SELENON: variants seen among roughly 807,000 people sequenced by gnomAD.
SELENON encodes the protein selenoprotein N, 1.
Under a neutral mutation model 59.5 loss-of-function variants are expected in SELENON, and 44 were observed. That is an observed-to-expected ratio of 0.74 (90% CI 0.58 to 0.95). The LOEUF (loss-of-function observed/expected upper bound fraction) is 0.95, where lower values mean the gene tolerates loss of function less well. SELENON is among the 40% of genes least tolerant of loss of function. SELENON has a pLI of 0.00. For missense variants in SELENON, 674 were observed against 721.4 expected (o/e 0.93, Z 0.75); for synonymous variants, 320 against 305.6 (o/e 1.05, Z -0.49).
chr1:25,808,301 TGGGTGG>T (rs1453376695), intron 4 of SELENON, among the ~76,000 whole-genome samples: 2 of 4,530 alleles, frequency 4.4e-4, no homozygotes, highest in South Asian at 0.026. Context: ...GGGCTGCGCC[TGGGTGG>T]GCTGTGCCTG....
chr1:25,809,267 G>C, intron 6 of SELENON, 117 bp downstream of exon 5: 1 of 1,492,526 alleles, frequency 6.7e-7, no homozygotes, highest in South Asian at 1.2e-5. Flanking sequence ...TGCCGTCTTG[G>C]GCAAGCAGCT....
At chr1:25,812,927 G>GC in intron 10 of SELENON, 135 bp downstream of exon 9, 1 of 674,314 alleles carries the variant, frequency 1.5e-6, no homozygotes, top group Non-Finnish European at 2.5e-6. Flanking sequence ...AGGGGCGTGG[G>GC]GTGAGGGCTT....
intron 4 of SELENON, 126 bp from the exon 4 acceptor site, chr1:25,808,454 C>A: frequency 9.3e-7 from 1 of 1,077,772 alleles, no homozygotes; most frequent in Non-Finnish European, 1.4e-6. Flanking sequence ...AGGAACCTCC[C>A]TGGGGTCCAT....
chr1:25,814,250 G>A, intron 12 of SELENON, 72 bp downstream of exon 11: 1 of 1,133,856 alleles, frequency 8.8e-7, no homozygotes, highest in East Asian at 2.5e-5. Context: ...CAGGAGGCGT[G>A]GATGTGCAGA....
intron 3 of SELENON, among the ~76,000 whole-genome samples, chr1:25,804,380 C>T (rs77514467): frequency 0.029 from 4,393 of 152,224 alleles, 199 homozygotes; most frequent in African/African-American, 0.095. Flanking sequence ...TGCCAGGCAT[C>T]ATCTCTGTAC....
chr1:25,812,726 A>G lies in SELENON; in HGVS notation c.1321A>G (p.Lys441Glu). Residue 441 changes from lysine (K) to glutamate (E), a missense_variant, in exon 10 of 13, where the codon AAG (lysine) becomes GAG (glutamate). Lys to Glu is a moderately conservative substitution (Grantham distance 56). Coordinates refer to ENST00000361547, the MANE Select transcript of SELENON (RefSeq NM_020451.3). ...GTTCACTGAGGCCTTCGACCGAGCCAAGGCTGAGAACAAGCTGGTGCACTC... is the reference window on the plus strand; with the variant it reads ...GTTCACTGAGGCCTTCGACCGAGCCGAGGCTGAGAACAAGCTGGTGCACTC... The G allele has an allele frequency of 6.2e-7, 1 of 1,613,282 alleles. No homozygotes were observed. The highest frequency in any genetic ancestry group is 1.1e-5 in the South Asian group (1 of 90,910).
At position 25,808,750 on chromosome 1, in the gene SELENON, C is replaced by T. The variant is rs1167406610; in HGVS notation, c.708C>T (p.Ser236=). The change falls in exon 5 of 13, where the codon TCC becomes TCT. Residue 236 remains serine, a synonymous_variant. Coordinates refer to ENST00000361547, the MANE Select transcript of SELENON (RefSeq NM_020451.3). ...TGAGCATGTTCACTGGCTACCTGTC[C>T]AACAACCGCTTCTATCCACCGCCGC... 2 of 1,613,980 alleles carry T rather than the reference C, an allele frequency of 1.2e-6. No homozygotes were observed. The highest frequency in any genetic ancestry group is 2.2e-5 in the East Asian group (1 of 44,878).
intron 10 of SELENON, chr1:25,813,623 G>A (rs900798579): frequency 3.5e-6 from 2 of 577,102 alleles, no homozygotes; most frequent in Non-Finnish European, 6.6e-6. Flanking sequence ...GCGTTCATTG[G>A]ATTTAAGAAG....
Position 25,809,039 on chromosome 1 carries a change from G to T in SELENON, c.761G>T (p.Arg254Leu). Residue 254 changes from arginine to leucine, a missense_variant, in exon 6 of 13, where the codon CGG becomes CTG. Physicochemically the swap from Arg to Leu is moderately radical, Grantham distance 102. Coordinates refer to ENST00000361547, the MANE Select transcript of SELENON (RefSeq NM_020451.3). ...CGCCGCCCCCAGGTCATCATCCACC[G>T]GCTCCTGAGCATGTTCCACCCTCGG... is the stretch of plus-strand genomic sequence containing the variant. 1.2e-6 allele frequency: 2 copies of T among 1,613,712 alleles called. No individual in the cohort carries two copies. The highest frequency in any genetic ancestry group is 1.7e-6 in the Non-Finnish European group (2 of 1,180,020).
In SELENON at chr1:25,814,124, G is replaced by A. The variant is rs1331242106; in HGVS notation, c.1548G>A (p.Leu516=). The stretch of plus-strand genomic sequence containing the variant: ...ACCAGAAGCTGGCTGGCCTGCACCT[G>A]GAGAAGTACAGCTTCCCCGTGGAGA... The change falls in exon 12 of 13, where the codon CTG becomes CTA. Residue 516 remains leucine (L), a synonymous_variant. Coordinates refer to ENST00000361547, the MANE Select transcript of SELENON (RefSeq NM_020451.3). 3.1e-6 allele frequency: 5 copies of A among 1,614,212 alleles called. No individual in the cohort carries two copies. The highest frequency in any genetic ancestry group is 4.2e-6 in the Non-Finnish European group (5 of 1,180,024).
rs777045043 is a variant in SELENON, at chr1:25,805,244, C to G, written c.506C>G (p.Thr169Ser). Residue 169 changes from threonine (T) to serine (S), a missense_variant, in exon 4 of 13, where the codon ACC (threonine) becomes AGC (serine). Transcript: ENST00000361547. The stretch of plus-strand genomic sequence containing the variant: ...CGATTCCAGCCTCTGCTCCCGGAGA[C>G]CATGACCAAGAGCAAAGATGGCTTC... The G allele has an allele frequency of 1.1e-5, 18 of 1,614,084 alleles. No individual in the cohort carries two copies. In the Admixed American group the frequency reaches 3.0e-4, roughly 27 times the overall value.
chr1:25,804,347 C>G (rs2047884413), intron 3 of SELENON, among the ~76,000 whole-genome samples: 1 of 152,142 alleles, frequency 6.6e-6, no homozygotes, highest in Non-Finnish European at 1.5e-5. Flanking sequence ...ATCATTCAGC[C>G]TGCTAGCCAG....
rs772710208 is a variant in SELENON at position 25,809,646 on chromosome 1, T to C, written c.873-37T>C. The C allele has an allele frequency of 2.7e-5, 43 of 1,611,590 alleles. 2 individuals carry two copies. In the South Asian group the frequency reaches 4.5e-4, roughly 17 times the overall value. On this transcript the variant is annotated intron_variant, in intron 6 of 12. Coordinates refer to ENST00000361547, the MANE Select transcript of SELENON (RefSeq NM_020451.3). ...GCTTCCCGGGCTCCTGGGGAGAAGG[T>C]GGGCAGCTCTGGTGCAGCAGATCCC...
Position 25,808,572 on chromosome 1 carries a change from C to A in SELENON, c.538-8C>A, listed in dbSNP as rs538835367. ...AGATTCCTGGAGCTTTGCTTTCCCC[C>A]GCCCCAGGTCTCCCGCCTCGCCCTG... On this transcript the variant is annotated splice_region_variant and splice_polypyrimidine_tract_variant and intron_variant, in intron 4 of 12. Transcript: ENST00000361547. The A allele has an allele frequency of 9.9e-6, 16 of 1,613,024 alleles. No individual in the cohort carries two copies. The Admixed American group carries it at 2.7e-4, about 27-fold the overall frequency.
At chr1:25,808,962 CA>C in intron 5 of SELENON, 63 bp from the exon 5 acceptor site, 1 of 1,611,934 alleles carries the variant, frequency 6.2e-7, no homozygotes, top group Non-Finnish European at 8.5e-7. Context: ...GGCTGACCCC[CA>C]CCCCAGCGGA....
Position 25,815,750 on chromosome 1 carries a change from C to T in SELENON, c.*32C>T. The T allele has an allele frequency of 6.2e-7, 1 of 1,610,320 alleles. No individual in the cohort carries two copies. The highest frequency in any genetic ancestry group is 8.5e-7 in the Non-Finnish European group (1 of 1,178,946). On this transcript the variant is annotated 3_prime_UTR_variant, in exon 13 of 13. Coordinates refer to ENST00000361547, the MANE Select transcript of SELENON (RefSeq NM_020451.3). ...TGGACGGGATCTGATGCACAGGCCCCCACGCCTCAGAGCCAGAGTGGTCCT... is the reference window on the plus strand; with the variant it reads ...TGGACGGGATCTGATGCACAGGCCCTCACGCCTCAGAGCCAGAGTGGTCCT...
intron 7 of SELENON, among the ~76,000 whole-genome samples, chr1:25,810,901 TC>T (rs958030349): frequency 6.6e-6 from 1 of 152,160 alleles, no homozygotes; most frequent in Admixed American, 6.5e-5. Flanking sequence ...GACCAGCTGT[TC>T]CTGGGCTCAT....
chr1:25,808,357 T>C (rs1168664482), intron 4 of SELENON, among the ~76,000 whole-genome samples: 2 of 147,972 alleles, frequency 1.4e-5, no homozygotes, highest in Non-Finnish European at 3.0e-5. Context: ...GGGTGGGCTG[T>C]GCCTGGGTGG....
chr1:25,811,346 C>CAGTGTCCTCATCTGGAA, intron 7 of SELENON, 108 bp from the exon 7 acceptor site: 1 of 999,768 alleles, frequency 1.0e-6, no homozygotes, highest in Non-Finnish European at 1.6e-6. Context: ...TGAGAAACCT[C>CAGTGTCCTCATCTGGAA]AGTGTCCTCA....
Sources: allele counts gnomAD v4.1 joint callset (sites outside exome capture counted in the v4.1 genomes callset), GRCh38; gene constraint gnomAD v4.1.1; transcripts MANE v1.5; gene names NCBI Gene and HGNC (gene_info 2026-07-23, HGNC 2026-07-21).